SH3RF3: variants seen among roughly 807,000 people sequenced by gnomAD.
The protein encoded by SH3RF3 is SH3 domain containing ring finger 3.
A neutral mutation model predicts 66.3 loss-of-function variants in SH3RF3; 29 were observed. The observed-to-expected ratio is 0.44, with a 90% CI of 0.33 to 0.60. SH3RF3 has a LOEUF of 0.60. Ranked by LOEUF, SH3RF3 falls within the 20% of genes least tolerant of loss-of-function variation. The pLI, the probability that SH3RF3 is intolerant of heterozygous loss-of-function variation, is 0.04. For missense variants in SH3RF3, 1,194 were observed against 1,190.9 expected, an observed-to-expected ratio of 1.00 and a Z score of -0.04; for synonymous variants, 583 against 532.0, an observed-to-expected ratio of 1.10 and a Z score of -1.32.
At chr2:109,266,178 CGTGCATGTGTGTGTTGTGTGTTGT>C (rs1680487373) in intron 1 of SH3RF3, among the ~76,000 whole-genome samples, 2 of 143,052 alleles carry the variant, frequency 1.4e-5, no homozygotes, top group South Asian at 4.6e-4. Context: ...GTGTGTTGTG[CGTGCATGTGTGTGTTGTGTGTTGT>C]GTGCATATGT....
At position 109,398,069 on chromosome 2, in the gene SH3RF3, T is replaced by C. The variant is rs558593120; in HGVS notation, c.946-521T>C. ...TACTGAAAAGAGCTTCTGTGGTTTA[T>C]GCTGACCAGAGCAGACTCCCCTGCC... On this transcript the variant is annotated intron_variant, in intron 3 of 9. Transcript: ENST00000309415. Among the ~76,000 whole-genome samples, 3 of 152,356 alleles carry C rather than the reference T, an allele frequency of 2.0e-5. No homozygotes were observed. In the South Asian group the frequency reaches 6.2e-4, roughly 32 times the overall value.
intron 1 of SH3RF3, among the ~76,000 whole-genome samples, chr2:109,304,261 C>G (rs1681541276): frequency 6.6e-6 from 1 of 152,118 alleles, no homozygotes; most frequent in Admixed American, 6.6e-5. Context: ...CCAACCCCAG[C>G]CCCTGGTAAC....
intron 1 of SH3RF3, among the ~76,000 whole-genome samples, chr2:109,326,075 C>T (rs1682147915): frequency 4.6e-5 from 7 of 152,222 alleles, no homozygotes; most frequent in Admixed American, 4.6e-4. Context: ...TGGGCGTATG[C>T]CACATTTTCT....
chr2:109,385,216 C>G (rs1181046939), intron 3 of SH3RF3, among the ~76,000 whole-genome samples: 1 of 152,216 alleles, frequency 6.6e-6, no homozygotes, highest in Non-Finnish European at 1.5e-5. Flanking sequence ...GAGTAATAAC[C>G]TTACCCACCT....
intron 3 of SH3RF3, among the ~76,000 whole-genome samples, chr2:109,390,781 C>G (rs1299744470): frequency 8.5e-5 from 13 of 152,152 alleles, no homozygotes. Context: ...CTCACAGGGG[C>G]GGTCGCTTCC....
At chr2:109,278,677 A>T (rs532460910) in intron 1 of SH3RF3, among the ~76,000 whole-genome samples, 1 of 152,302 alleles carries the variant, frequency 6.6e-6, no homozygotes, top group African/African-American at 2.4e-5. Flanking sequence ...AGGTCTGCTG[A>T]ATTTTACCTT....
chr2:109,408,401 C>T (rs549678002), intron 4 of SH3RF3, among the ~76,000 whole-genome samples: 3 of 152,364 alleles, frequency 2.0e-5, no homozygotes, highest in Admixed American at 6.5e-5. Flanking sequence ...GACTGCCTCA[C>T]CCTCCCTCTG....
chr2:109,356,517 T>C (rs1454789118), intron 2 of SH3RF3, among the ~76,000 whole-genome samples: 2 of 152,216 alleles, frequency 1.3e-5, no homozygotes, highest in African/African-American at 4.8e-5. Flanking sequence ...ATGTGCTTTC[T>C]CAATACCAGA....
At chr2:109,178,646 T>A (rs1369662987) in intron 1 of SH3RF3, among the ~76,000 whole-genome samples, 2 of 152,230 alleles carry the variant, frequency 1.3e-5, no homozygotes, top group Admixed American at 6.5e-5. Flanking sequence ...GGCTTATTTA[T>A]GGATCATGCT....
chr2:109,374,782 C>T (rs934041927), intron 3 of SH3RF3, among the ~76,000 whole-genome samples: 36 of 152,350 alleles, frequency 2.4e-4, no homozygotes, highest in African/African-American at 6.3e-4. Context: ...TTCTACCCAG[C>T]GCACAGCTGC....
intron 1 of SH3RF3, among the ~76,000 whole-genome samples, chr2:109,224,875 T>G (rs1679335400): frequency 5.9e-5 from 9 of 152,186 alleles, no homozygotes; most frequent in Admixed American, 5.9e-4. Flanking sequence ...TTTTTTTCAT[T>G]TAATTCTAGT....
chr2:109,199,848 G>T (rs377694037), intron 1 of SH3RF3, among the ~76,000 whole-genome samples: 1,568 of 43,792 alleles, frequency 0.036, 1 homozygote, highest in African/African-American at 0.097. Context: ...GGAATGGAAT[G>T]GAAATAACAA....
At chr2:109,181,682 A>T (rs1668427930) in intron 1 of SH3RF3, among the ~76,000 whole-genome samples, 2 of 152,186 alleles carry the variant, frequency 1.3e-5, no homozygotes, top group Non-Finnish European at 2.9e-5. Context: ...TCCCGGCCAC[A>T]GGGGGTTCCT....
chr2:109,263,966 C>T (rs1254933498), intron 1 of SH3RF3, among the ~76,000 whole-genome samples: 1 of 152,198 alleles, frequency 6.6e-6, no homozygotes, highest in African/African-American at 2.4e-5. Context: ...GAGTCTCCAT[C>T]TCAAAAAGAA....
intron 4 of SH3RF3, 122 bp downstream of exon 4, chr2:109,399,065 G>A: frequency 8.7e-7 from 1 of 1,150,320 alleles, no homozygotes; most frequent in African/African-American, 1.5e-5. Flanking sequence ...GCCTTTTGGG[G>A]TTGAGTGGGG....
intron 1 of SH3RF3, among the ~76,000 whole-genome samples, chr2:109,294,197 A>G (rs1386295168): frequency 6.6e-6 from 1 of 152,182 alleles, no homozygotes; most frequent in Non-Finnish European, 1.5e-5. Flanking sequence ...TGTATGTCAC[A>G]TACAGCTCCT....
intron 1 of SH3RF3, among the ~76,000 whole-genome samples, chr2:109,135,462 T>C (rs1676793775): frequency 6.6e-6 from 1 of 152,202 alleles, no homozygotes; most frequent in African/African-American, 2.4e-5. Flanking sequence ...ATCTGCTTCT[T>C]AGATAAATAG....
At chr2:109,474,443 G>A (rs1003361069) in intron 8 of SH3RF3, among the ~76,000 whole-genome samples, 3 of 152,288 alleles carry the variant, frequency 2.0e-5, no homozygotes, top group South Asian at 2.1e-4. Flanking sequence ...GATGCAGCTC[G>A]CTACTGATGG....
At chr2:109,159,811 T>C (rs1462849014) in intron 1 of SH3RF3, among the ~76,000 whole-genome samples, 1 of 152,230 alleles carries the variant, frequency 6.6e-6, no homozygotes. Context: ...TTCACACTCC[T>C]TATGAGAATC....
Sources: gnomAD v4.1 joint callset for allele counts (sites outside exome capture counted in the v4.1 genomes callset) on GRCh38, gnomAD v4.1.1 for gene constraint, MANE v1.5 for transcripts, NCBI Gene and HGNC (gene_info 2026-07-23, HGNC 2026-07-21) for gene names.